The following CAV3 variants were observed in gnomAD, a reference collection of about 807,000 sequenced individuals.
CAV3 encodes caveolin 3, also known as caveolin-3.
A neutral mutation model predicts 13.4 loss-of-function variants in CAV3; 10 were observed. The observed-to-expected ratio is 0.75, with a 90% confidence interval of 0.46 to 1.27. The LOEUF is 1.27. Ranked by LOEUF, CAV3 falls within the 50% of genes most tolerant of loss-of-function variation. CAV3 has a pLI of 0.00. For synonymous variants in CAV3, 90 were observed against 79.0 expected, an observed-to-expected ratio of 1.14 and a Z score of -0.74; for missense variants, 162 against 194.0, an observed-to-expected ratio of 0.83 and a Z score of 0.98.
chr3:8,737,624 G>A (rs1559644504), intron 1 of CAV3, among the ~76,000 whole-genome samples: 1 of 152,116 alleles, frequency 6.6e-6, no homozygotes, highest in Non-Finnish European at 1.5e-5. Flanking sequence ...GGAACTGGGG[G>A]GAGCACACCC....
rs757329305 is a variant in CAV3, at chr3:8,733,861, T to TC, written c.-10dup. ...CACAGCTCGGATCTCCTCCTGTGGA[T>TC]CCCCCCAGCTCTGCGATGATGGCAG... On this transcript the variant is annotated 5_prime_UTR_variant, in exon 1 of 2. Transcript: ENST00000343849. 3 of 1,527,162 alleles carry TC rather than the reference T, an allele frequency of 2.0e-6. No individual in the cohort carries two copies. The African/African-American group carries it at 4.1e-5, about 21-fold the overall frequency. The allele number at this position is 1,527,162 out of a possible 1,614,324, so 94.6% of individuals were successfully genotyped here.
chr3:8,734,026 T>A (rs1415119257), intron 1 of CAV3, 36 bp downstream of exon 1: 3 of 1,278,798 alleles, frequency 2.3e-6, no homozygotes, highest in Non-Finnish European at 3.4e-6. Flanking sequence ...GGGCGGAGAG[T>A]GTCAGGTTTG....
At chr3:8,739,572 A>G (rs1008695102) in intron 1 of CAV3, among the ~76,000 whole-genome samples, 4 of 151,516 alleles carry the variant, frequency 2.6e-5, no homozygotes, top group Non-Finnish European at 5.9e-5. Context: ...ATGAGCCGAG[A>G]TCGCACCACT....
intron 1 of CAV3, among the ~76,000 whole-genome samples, chr3:8,741,119 A>T (rs1483657851): frequency 6.6e-6 from 1 of 151,258 alleles, no homozygotes; most frequent in Non-Finnish European, 1.5e-5. Flanking sequence ...TGCAGCTATC[A>T]CCTCATTTTA....
intron 1 of CAV3, among the ~76,000 whole-genome samples, chr3:8,735,765 C>T (rs931120373): frequency 9.9e-5 from 15 of 152,202 alleles, no homozygotes; most frequent in Admixed American, 6.5e-5. Flanking sequence ...GAGTACATTC[C>T]TGTGCCATTG....
chr3:8,735,043 C>T (rs1287140854), intron 1 of CAV3, among the ~76,000 whole-genome samples: 2 of 152,158 alleles, frequency 1.3e-5, no homozygotes, highest in African/African-American at 2.4e-5. Context: ...AGAATTCCTC[C>T]AAGAAGGGTC....
intron 1 of CAV3, among the ~76,000 whole-genome samples, chr3:8,740,563 C>T (rs372233340): frequency 6.6e-6 from 1 of 152,218 alleles, no homozygotes; most frequent in South Asian, 2.1e-4. Flanking sequence ...TCTTCTCTCT[C>T]TGTCTCTCTC....
rs917859758 is a variant in CAV3, at chr3:8,746,458, C to T, written c.*591C>T. 3 of 152,860 alleles carry T rather than the reference C, an allele frequency of 2.0e-5. No individual in the cohort carries two copies. The highest frequency in any genetic ancestry group is 4.1e-4 in the South Asian group (2 of 4,838). 9.5% of individuals were successfully genotyped at this position (152,860 alleles called of 1,614,324 possible). On this transcript the variant is annotated 3_prime_UTR_variant, in exon 2 of 2. Coordinates refer to ENST00000343849, the MANE Select transcript of CAV3 (RefSeq NM_033337.3). ...TTCGGATTCTATTGTTTGCTGGAAC[C>T]GTACACGTTCCTTGGAAGATCATGT... is the stretch of plus-strand genomic sequence containing the variant.
Position 8,733,894 on chromosome 3 carries a change from C to T in CAV3, c.18C>T (p.His6=). 1.9e-6 allele frequency: 3 copies of T among 1,610,798 alleles called. No individual in the cohort carries two copies. The highest frequency in any genetic ancestry group is 1.3e-5 in the African/African-American group (1 of 74,994). The change falls in exon 1 of 2, where the codon CAC becomes CAT. Residue 6 remains histidine (H), a synonymous_variant. Coordinates refer to ENST00000343849, the MANE Select transcript of CAV3 (RefSeq NM_033337.3). MMAEE[H]TDLEAQIVKD... ...GCTCTGCGATGATGGCAGAAGAGCA[C>T]ACAGATCTCGAGGCCCAGATCGTCA...
At chr3:8,736,516 G>A (rs1028361884) in intron 1 of CAV3, among the ~76,000 whole-genome samples, 2 of 152,184 alleles carry the variant, frequency 1.3e-5, no homozygotes, top group African/African-American at 4.8e-5. Flanking sequence ...TGGGCTGCAG[G>A]GAGATGGGAA....
At chr3:8,741,281 C>T (rs1157372582) in intron 1 of CAV3, among the ~76,000 whole-genome samples, 2 of 152,224 alleles carry the variant, frequency 1.3e-5, no homozygotes, top group Non-Finnish European at 2.9e-5. Flanking sequence ...CAGTTACAAG[C>T]ACCAATGTTT....
At position 8,745,888 on chromosome 3, in the gene CAV3, G is replaced by T; in HGVS notation, c.*21G>T. 1 of 1,599,302 alleles carries T rather than the reference G, an allele frequency of 6.3e-7. No individual in the cohort carries two copies. The highest frequency in any genetic ancestry group is 1.1e-5 in the South Asian group (1 of 90,426). ...TCTAAAGCCAGGTGGGGCAACAGCG[G>T]TGGCAGGGCAGGGGGTGGTGGGCCA... On this transcript the variant is annotated 3_prime_UTR_variant, in exon 2 of 2. Coordinates refer to ENST00000343849, the MANE Select transcript of CAV3 (RefSeq NM_033337.3). This position sits in a 1 kb window ranked among gnomAD's most constrained non-coding sequence, Gnocchi z 4.8.
At chr3:8,742,747 G>T in intron 1 of CAV3, 1 of 298,810 alleles carries the variant, frequency 3.3e-6, no homozygotes, top group Non-Finnish European at 6.7e-6. Context: ...TGGATGGATG[G>T]ATGGATGAAA....
chr3:8,736,689 C>A (rs527608402), intron 1 of CAV3, among the ~76,000 whole-genome samples: 2 of 152,202 alleles, frequency 1.3e-5, no homozygotes, highest in African/African-American at 4.8e-5. Flanking sequence ...ACAGGTGCAG[C>A]GGCTTTACGC....
chr3:8,738,659 A>T (rs758110730), intron 1 of CAV3, among the ~76,000 whole-genome samples: 1 of 152,220 alleles, frequency 6.6e-6, no homozygotes, highest in Non-Finnish European at 1.5e-5. Context: ...AAAAATTAAA[A>T]ATGTGAAATG....
In CAV3 at chr3:8,745,445, T is replaced by C; in HGVS notation, c.115-81T>C. 9.2e-7 allele frequency: 1 copy of C among 1,089,942 alleles called. No homozygotes were observed. Among genetic ancestry groups the C allele is most frequent in the South Asian group, 1.3e-5 (1 of 77,450 alleles). 67.5% of individuals were successfully genotyped at this position (1,089,942 alleles called of 1,614,324 possible). ...GGTTAACCTGACCTCTAGGGGATTC[T>C]GACACATGCACGCACACACCCAAAA... On this transcript the variant is annotated intron_variant, in intron 1 of 1. Coordinates refer to ENST00000343849, the MANE Select transcript of CAV3 (RefSeq NM_033337.3). The surrounding 1 kb of genome is among the most constrained non-coding windows in gnomAD (Gnocchi z 4.8).
chr3:8,742,578 T>C, intron 1 of CAV3: 1 of 451,700 alleles, frequency 2.2e-6, no homozygotes, highest in Non-Finnish European at 4.4e-6. Context: ...TTCTCAGATG[T>C]ATTTTCGAGG....
At chr3:8,739,921 C>G (rs151462) in intron 1 of CAV3, among the ~76,000 whole-genome samples, 56,907 of 151,930 alleles carry the variant, frequency 0.37, 11,030 homozygotes, top group African/African-American at 0.49. Flanking sequence ...CTGCAATCAC[C>G]TGGGGGCTCC....
chr3:8,745,459 A>T lies in CAV3; in HGVS notation c.115-67A>T. The T allele has an allele frequency of 7.8e-7, 1 of 1,273,908 alleles. No individual in the cohort carries two copies. The highest frequency in any genetic ancestry group is 1.1e-6 in the Non-Finnish European group (1 of 875,324). 78.9% of individuals were successfully genotyped at this position (1,273,908 alleles called of 1,614,324 possible). A position where few individuals can be genotyped will look rare whatever the true frequency, so the allele number is the denominator to read the frequency against. On this transcript the variant is annotated intron_variant, in intron 1 of 1. Coordinates refer to ENST00000343849, the MANE Select transcript of CAV3 (RefSeq NM_033337.3). This position sits in a 1 kb window ranked among gnomAD's most constrained non-coding sequence, Gnocchi z 4.8. ...CTAGGGGATTCTGACACATGCACGC[A>T]CACACCCAAAAGCTTGAGAAGCGGG...
Sources: gnomAD v4.1 joint callset for allele counts (sites outside exome capture counted in the v4.1 genomes callset) on GRCh38, gnomAD v4.1.1 for gene constraint, Gnocchi (gnomAD v3.1) non-coding constraint, MANE v1.5 for transcripts, NCBI Gene and HGNC (gene_info 2026-07-23, HGNC 2026-07-21) for gene names.